The following CCSAP variants were observed in gnomAD, a reference collection of about 807,000 sequenced individuals.
CCSAP encodes the protein centriole, cilia and spindle-associated protein.
In CCSAP, 17 loss-of-function variants were observed where a neutral mutation model predicts 25.9. The ratio of observed to expected loss-of-function variants is 0.66; its 90% CI spans 0.45 to 0.99. CCSAP has a LOEUF of 0.99. CCSAP is among the 50% of genes least tolerant of loss of function. CCSAP has a pLI of 0.00. For synonymous variants in CCSAP, 169 were observed against 157.1 expected, an observed-to-expected ratio of 1.08 and a Z score of -0.57; for missense variants, 339 against 367.8, an observed-to-expected ratio of 0.92 and a Z score of 0.64.
chr1:229,327,294 A>G, intron 2 of CCSAP: 1 of 342,284 alleles, frequency 2.9e-6, no homozygotes. Context: ...GTTAAAAGAT[A>G]GACAGCACCA....
Position 229,322,311 on chromosome 1 carries a change from T to C in CCSAP, c.*2924A>G, listed in dbSNP as rs74632343. 6.6e-6 allele frequency: 1 copy of C among 152,174 alleles called. No individual in the cohort carries two copies. Among genetic ancestry groups the C allele is most frequent in the Non-Finnish European group, 1.5e-5 (1 of 68,040 alleles). 9.4% of individuals were successfully genotyped at this position (152,174 alleles called of 1,614,324 possible). ...CGTTCTTACAATTTAGTCAGCTGAG[T>C]TCAAGTGACCCAAGTATAAATACCC... On this transcript the variant is annotated 3_prime_UTR_variant, in exon 4 of 4. Coordinates refer to ENST00000284617, the MANE Select transcript of CCSAP (RefSeq NM_145257.5).
At position 229,342,304 on chromosome 1, in the gene CCSAP, C is replaced by A. The variant is rs766126122; in HGVS notation, c.162G>T (p.Pro54=). 6.9e-7 allele frequency: 1 copy of A among 1,445,404 alleles called. No individual in the cohort carries two copies. Among genetic ancestry groups the A allele is most frequent in the South Asian group, 1.4e-5 (1 of 71,104 alleles). The allele number at this position is 1,445,404 out of a possible 1,614,324, so 89.5% of individuals were successfully genotyped here. A position where few individuals can be genotyped will look rare whatever the true frequency, so the allele number is the denominator to read the frequency against. The change falls in exon 2 of 4, where the codon CCG becomes CCT. Residue 54 remains proline, a synonymous_variant. Transcript: ENST00000284617. The surrounding 1 kb of genome is among the most constrained non-coding windows in gnomAD (Gnocchi z 7.5). The stretch of plus-strand genomic sequence containing the variant: ...ACGCCGAGTCCTCCGAGGAGCCGGC[C>A]GGGCCCCAGTCGTCCCAGAGCCAGG... ...HAPWLWDDWG[P]AGSSEDSASS...
intron 3 of CCSAP, among the ~76,000 whole-genome samples, chr1:229,325,774 CA>C (rs1657926701): frequency 2.0e-5 from 3 of 152,190 alleles, no homozygotes. Context: ...TCATAAAAAG[CA>C]GGGAAAATAA....
In CCSAP at chr1:229,322,052, G is replaced by C. The variant is rs1657837492; in HGVS notation, c.*3183C>G. 6.6e-6 allele frequency: 1 copy of C among 152,164 alleles called. No homozygotes were observed. The highest frequency in any genetic ancestry group is 2.4e-5 in the African/African-American group (1 of 41,428). 9.4% of individuals were successfully genotyped at this position (152,164 alleles called of 1,614,324 possible). A position where few individuals can be genotyped will look rare whatever the true frequency, so the allele number is the denominator to read the frequency against. ...CAAATACTACACCATTTTATAGAAG[G>C]GGTTTGAGTATCCATGGAGTTTGGC... is the stretch of plus-strand genomic sequence containing the variant. On this transcript the variant is annotated 3_prime_UTR_variant, in exon 4 of 4. Transcript: ENST00000284617.
chr1:229,327,514 G>T (rs1193169074), intron 2 of CCSAP: 1 of 456,100 alleles, frequency 2.2e-6, no homozygotes, highest in Non-Finnish European at 4.4e-6. Context: ...GCACAACAGG[G>T]AGTGATTTCC....
Position 229,342,779 on chromosome 1 carries a change from G to C in CCSAP, c.-49+133C>G. 1 of 218,984 alleles carries C rather than the reference G, an allele frequency of 4.6e-6. No individual in the cohort carries two copies. 13.6% of individuals were successfully genotyped at this position (218,984 alleles called of 1,614,324 possible). ...CAGGGAGGCTGCGGGCTGGGGCGAG[G>C]GGACCGCAGGAGACTGGGGCTGAGC... On this transcript the variant is annotated intron_variant, in intron 1 of 3. Coordinates refer to ENST00000284617, the MANE Select transcript of CCSAP (RefSeq NM_145257.5). The surrounding 1 kb of genome is among the most constrained non-coding windows in gnomAD (Gnocchi z 7.5).
At chr1:229,334,746 G>A (rs1382335182) in intron 2 of CCSAP, among the ~76,000 whole-genome samples, 1 of 152,030 alleles carries the variant, frequency 6.6e-6, no homozygotes, top group African/African-American at 2.4e-5. Flanking sequence ...CAAATTGGAG[G>A]GTTCAGGTTA....
rs531348755 is a variant in CCSAP at position 229,322,480 on chromosome 1, C to A, written c.*2755G>T. On this transcript the variant is annotated 3_prime_UTR_variant, in exon 4 of 4. Coordinates refer to ENST00000284617, the MANE Select transcript of CCSAP (RefSeq NM_145257.5). ...ACATTTATTCATTTTTAAAATGAAT[C>A]TTTTGAAGATCCATTTATTCACATT... 6.6e-6 allele frequency: 1 copy of A among 152,264 alleles called. No individual in the cohort carries two copies. The highest frequency in any genetic ancestry group is 2.1e-4 in the South Asian group (1 of 4,826). 9.4% of individuals were successfully genotyped at this position (152,264 alleles called of 1,614,324 possible). A position where few individuals can be genotyped will look rare whatever the true frequency, so the allele number is the denominator to read the frequency against.
At chr1:229,330,191 G>A (rs184597153) in intron 2 of CCSAP, among the ~76,000 whole-genome samples, 5 of 152,318 alleles carry the variant, frequency 3.3e-5, no homozygotes, top group East Asian at 3.9e-4. Context: ...GCTCGGTTCT[G>A]TGGCTCCTGC....
chr1:229,340,637 T>A, intron 2 of CCSAP: 2 of 462,298 alleles, frequency 4.3e-6, no homozygotes, highest in Non-Finnish European at 7.7e-6. Flanking sequence ...CTAGCAGTGA[T>A]CACTGAAGCA....
rs547525251 is a variant in CCSAP, at chr1:229,333,170, C to A, written c.368-6164G>T. Among the ~76,000 whole-genome samples, 7 of 152,170 alleles carry A rather than the reference C, an allele frequency of 4.6e-5. No individual in the cohort carries two copies. The East Asian group carries it at 5.8e-4, about 13-fold the overall frequency. On this transcript the variant is annotated intron_variant, in intron 2 of 3. Coordinates refer to ENST00000284617, the MANE Select transcript of CCSAP (RefSeq NM_145257.5). ...TTTCTAGGCCGGGCGCGGTGGCTCA[C>A]GCCTATAATCCCAGCACTTTGGGAG...
At chr1:229,336,350 C>T (rs1658195228) in intron 2 of CCSAP, among the ~76,000 whole-genome samples, 2 of 151,710 alleles carry the variant, frequency 1.3e-5, no homozygotes, top group South Asian at 4.2e-4. Flanking sequence ...TCAGATGACC[C>T]TAGGGACAGG....
rs1658373141 is a variant in CCSAP at position 229,342,751 on chromosome 1, A to G, written c.-49+161T>C. Among the ~76,000 whole-genome samples, 1 of 151,710 alleles carries G rather than the reference A, an allele frequency of 6.6e-6. No individual in the cohort carries two copies. The highest frequency in any genetic ancestry group is 1.5e-5 in the Non-Finnish European group (1 of 67,888). ...CGAGGAGGGCTGCTCAGTGGGCGGA[A>G]GGCAGGGAGGCTGCGGGCTGGGGCG... On this transcript the variant is annotated intron_variant, in intron 1 of 3. Coordinates refer to ENST00000284617, the MANE Select transcript of CCSAP (RefSeq NM_145257.5). This position sits in a 1 kb window ranked among gnomAD's most constrained non-coding sequence, Gnocchi z 7.5.
Position 229,331,308 on chromosome 1 carries a change from T to G in CCSAP, c.368-4302A>C, listed in dbSNP as rs550770348. 8.2e-4 allele frequency among the ~76,000 whole-genome samples: 125 copies of G among 151,946 alleles called. 1 individual carries two copies. The South Asian group carries it at 0.013, about 16-fold the overall frequency. ...AGTCTTATTCAGACTACAAAATAGC[T>G]GTGCTTATAGAAAAAGACAGAAGAA... On this transcript the variant is annotated intron_variant, in intron 2 of 3. Coordinates refer to ENST00000284617, the MANE Select transcript of CCSAP (RefSeq NM_145257.5).
At chr1:229,330,853 A>G (rs1425936937) in intron 2 of CCSAP, among the ~76,000 whole-genome samples, 1 of 150,342 alleles carries the variant, frequency 6.7e-6, no homozygotes, top group African/African-American at 2.5e-5. Context: ...AAAAAAAAAG[A>G]AAATGCAATT....
Position 229,326,818 on chromosome 1 carries a change from G to A in CCSAP, c.556C>T (p.Leu186Phe). The change falls in exon 3 of 4, where the codon CTT becomes TTT. Residue 186 changes from leucine (L) to phenylalanine (F), a missense_variant. Physicochemically the swap from Leu to Phe is conservative, Grantham distance 22. Coordinates refer to ENST00000284617, the MANE Select transcript of CCSAP (RefSeq NM_145257.5). ...GTCTGTTTTTCTCCCCAGCCATAAA[G>A]AGCAAATGGATGCTTGTTTTCTTTT... Reference protein sequence around the residue: ...KIKENKHPFALYGWGEKQTDT... With the variant: ...KIKENKHPFAFYGWGEKQTDT... 6.2e-7 allele frequency: 1 copy of A among 1,614,232 alleles called. No individual in the cohort carries two copies. The highest frequency in any genetic ancestry group is 8.5e-7 in the Non-Finnish European group (1 of 1,180,048).
At chr1:229,338,110 G>T (rs946136280) in intron 2 of CCSAP, among the ~76,000 whole-genome samples, 2 of 152,062 alleles carry the variant, frequency 1.3e-5, no homozygotes, top group Admixed American at 1.3e-4. Flanking sequence ...TTAATATTGT[G>T]GGGATATGGA....
chr1:229,334,653 C>T (rs951324276), intron 2 of CCSAP, among the ~76,000 whole-genome samples: 17 of 151,820 alleles, frequency 1.1e-4, no homozygotes, highest in African/African-American at 3.9e-4. Context: ...TGGGGAAAAA[C>T]TAAACAAATT....
chr1:229,342,318 C>T lies in CCSAP; in HGVS notation c.148G>A (p.Asp50Asn). The T allele has an allele frequency of 6.7e-7, 1 of 1,487,670 alleles. No homozygotes were observed. The highest frequency in any genetic ancestry group is 8.9e-7 in the Non-Finnish European group (1 of 1,121,350). The allele number at this position is 1,487,670 out of a possible 1,614,324, so 92.2% of individuals were successfully genotyped here. A position where few individuals can be genotyped will look rare whatever the true frequency, so the allele number is the denominator to read the frequency against. Residue 50 changes from aspartate (D) to asparagine (N), a missense_variant, in exon 2 of 4, where the codon GAC (aspartate) becomes AAC (asparagine). Transcript: ENST00000284617. The surrounding 1 kb of genome is among the most constrained non-coding windows in gnomAD (Gnocchi z 7.5). Reference protein sequence around the residue: ...LEQAHAPWLWDDWGPAGSSED... With the variant: ...LEQAHAPWLWNDWGPAGSSED... Reference sequence around the variant, plus strand: ...GAGGAGCCGGCCGGGCCCCAGTCGTCCCAGAGCCAGGGCGCGTGCGCCTGC... The same window carrying T: ...GAGGAGCCGGCCGGGCCCCAGTCGTTCCAGAGCCAGGGCGCGTGCGCCTGC...
Sources: gnomAD v4.1 joint callset for allele counts (sites outside exome capture counted in the v4.1 genomes callset) on GRCh38, gnomAD v4.1.1 for gene constraint, Gnocchi (gnomAD v3.1) non-coding constraint, MANE v1.5 for transcripts, NCBI Gene and HGNC (gene_info 2026-07-23, HGNC 2026-07-21) for gene names.